RNF150: variants seen among roughly 807,000 people sequenced by gnomAD.
RNF150 encodes the protein ring finger protein 150.
Under a neutral mutation model 39.3 loss-of-function variants are expected in RNF150, and 24 were observed. The ratio of observed to expected loss-of-function variants is 0.61; its 90% CI spans 0.44 to 0.86. RNF150 has a LOEUF of 0.86. RNF150 is among the 40% of genes least tolerant of loss of function. The probability of loss-of-function intolerance (pLI) is 0.00; values close to 1 mark genes in which losing one functional copy is unlikely to be tolerated. For synonymous variants in RNF150, 255 were observed against 227.3 expected (o/e 1.12, Z -1.10); for missense variants, 502 against 587.8 (o/e 0.85, Z 1.51).
intron 1 of RNF150, among the ~76,000 whole-genome samples, chr4:141,206,749 A>G (rs1728381917): frequency 6.6e-6 from 1 of 152,044 alleles, no homozygotes; most frequent in Admixed American, 6.6e-5. Context: ...TTTATTTGGG[A>G]GAACTGGCTC....
chr4:141,009,305 A>T (rs1734978738), intron 1 of RNF150, among the ~76,000 whole-genome samples: 1 of 152,206 alleles, frequency 6.6e-6, no homozygotes. Context: ...TTCTATGCAT[A>T]AGATATTCTC....
chr4:141,078,819 A>G (rs2110972301), intron 1 of RNF150, among the ~76,000 whole-genome samples: 1 of 138,654 alleles, frequency 7.2e-6, no homozygotes, highest in East Asian at 2.0e-4. Context: ...ATATATATAT[A>G]TATATATATA....
intron 4 of RNF150, among the ~76,000 whole-genome samples, chr4:140,937,499 G>A (rs1731905045): frequency 6.6e-6 from 1 of 152,180 alleles, no homozygotes; most frequent in African/African-American, 2.4e-5. Context: ...GACCTTAAGT[G>A]ATCTGCCCAC....
intron 1 of RNF150, among the ~76,000 whole-genome samples, chr4:141,108,455 G>A (rs1192774033): frequency 6.6e-6 from 1 of 152,014 alleles, no homozygotes; most frequent in Non-Finnish European, 1.5e-5. Context: ...CTTCCCATGT[G>A]CCAAGTTCTA....
intron 1 of RNF150, among the ~76,000 whole-genome samples, chr4:141,002,224 C>T (rs1182221098): frequency 6.6e-6 from 1 of 151,688 alleles, no homozygotes; most frequent in Non-Finnish European, 1.5e-5. Context: ...ATTAGAAATG[C>T]TTTTTACCAG....
At position 141,077,634 on chromosome 4, in the gene RNF150, C is replaced by G. The variant is rs1487324373; in HGVS notation, c.484+54691G>C. On this transcript the variant is annotated intron_variant, in intron 1 of 6. Transcript: ENST00000515673. ...TGGAAGCAAGAACAGAGCCCACATTCCACCATTTCACTAAATTCTACCATT... is the reference window on the plus strand; with the variant it reads ...TGGAAGCAAGAACAGAGCCCACATTGCACCATTTCACTAAATTCTACCATT... Among the ~76,000 whole-genome samples, 3 of 152,368 alleles carry G rather than the reference C, an allele frequency of 2.0e-5. No homozygotes were observed. In the East Asian group the frequency reaches 5.8e-4, roughly 29 times the overall value.
At chr4:141,166,331 C>T (rs1445406829) in intron 1 of RNF150, among the ~76,000 whole-genome samples, 2 of 152,028 alleles carry the variant, frequency 1.3e-5, no homozygotes, top group African/African-American at 4.8e-5. Flanking sequence ...CAAAAAAATC[C>T]CAGGACCAGA....
intron 2 of RNF150, among the ~76,000 whole-genome samples, chr4:140,965,924 T>A (rs1165978231): frequency 2.6e-5 from 4 of 152,160 alleles, no homozygotes; most frequent in Non-Finnish European, 5.9e-5. Flanking sequence ...CAAAAAACTA[T>A]GTGAGACAAT....
At chr4:141,167,520 T>C (rs527482619) in intron 1 of RNF150, among the ~76,000 whole-genome samples, 32 of 152,276 alleles carry the variant, frequency 2.1e-4, no homozygotes, top group African/African-American at 7.7e-4. Context: ...GTGAGAAGCA[T>C]CATACTACCT....
chr4:141,033,680 A>G (rs1736037242), intron 1 of RNF150, among the ~76,000 whole-genome samples: 1 of 152,244 alleles, frequency 6.6e-6, no homozygotes, highest in Non-Finnish European at 1.5e-5. Flanking sequence ...CACTGGCTAC[A>G]GAATAGATGC....
intron 1 of RNF150, among the ~76,000 whole-genome samples, chr4:141,017,619 A>G (rs1735328627): frequency 6.6e-6 from 1 of 152,192 alleles, no homozygotes; most frequent in African/African-American, 2.4e-5. Context: ...GAAGAGTTTC[A>G]GCATCCTAAG....
intron 1 of RNF150, among the ~76,000 whole-genome samples, chr4:141,202,620 T>C (rs1199708977): frequency 6.6e-6 from 1 of 152,054 alleles, no homozygotes; most frequent in African/African-American, 2.4e-5. Flanking sequence ...TTTAAAAGCC[T>C]TTTGGACTTT....
chr4:141,001,283 A>G (rs1734659386), intron 1 of RNF150, among the ~76,000 whole-genome samples: 1 of 151,822 alleles, frequency 6.6e-6, no homozygotes, highest in African/African-American at 2.4e-5. Context: ...TTTTCTCTGG[A>G]TATTGTTTTA....
intron 2 of RNF150, among the ~76,000 whole-genome samples, chr4:140,966,209 G>GT (rs1319149186): frequency 6.6e-6 from 1 of 151,924 alleles, no homozygotes; most frequent in African/African-American, 2.4e-5. Flanking sequence ...GTGTGGTGGT[G>GT]TATGCCTGTA....
intron 1 of RNF150, among the ~76,000 whole-genome samples, chr4:141,106,675 T>C (rs1388820453): frequency 6.6e-6 from 1 of 152,060 alleles, no homozygotes; most frequent in East Asian, 1.9e-4. Flanking sequence ...GCGCCTGTAG[T>C]CCCAGCTGCT....
intron 6 of RNF150, among the ~76,000 whole-genome samples, chr4:140,890,540 T>G (rs1305610091): frequency 1.3e-5 from 2 of 152,146 alleles, no homozygotes; most frequent in Admixed American, 1.3e-4. Flanking sequence ...GGTTATGAGG[T>G]TGGGGTGCCC....
At position 141,132,699 on chromosome 4, in the gene RNF150, T is replaced by C; in HGVS notation, c.110A>G (p.Glu37Gly). Residue 37 changes from glutamate (E) to glycine (G), a missense_variant, in exon 1 of 7, where the codon GAG (glutamate) becomes GGG (glycine). Glu to Gly is a moderately conservative substitution (Grantham distance 98). Transcript: ENST00000515673. The surrounding 1 kb of genome is among the most constrained non-coding windows in gnomAD (Gnocchi z 4.9). Reference sequence around the variant, plus strand: ...GTTCACGAAGGCGGTGTACCATTCCTCCTTCTCGGCCACGGTAAAGTCCAG... The same window carrying C: ...GTTCACGAAGGCGGTGTACCATTCCCCCTTCTCGGCCACGGTAAAGTCCAG... ...LCLDFTVAEK[E>G]EWYTAFVNIT... The C allele has an allele frequency of 6.2e-7, 1 of 1,609,420 alleles. No individual in the cohort carries two copies. The highest frequency in any genetic ancestry group is 8.5e-7 in the Non-Finnish European group (1 of 1,178,258).
intron 1 of RNF150, among the ~76,000 whole-genome samples, chr4:141,160,763 C>T (rs145885857): frequency 1.3e-5 from 2 of 152,318 alleles, no homozygotes; most frequent in South Asian, 2.1e-4. Context: ...CTAAGTAAGA[C>T]ATATCTGTTG....
intron 1 of RNF150, among the ~76,000 whole-genome samples, chr4:140,983,666 T>C (rs571807164): frequency 1.2e-4 from 18 of 152,006 alleles, no homozygotes; most frequent in African/African-American, 3.9e-4. Flanking sequence ...TGGAAAGAGA[T>C]TGAAGCTAAA....
Sources: gnomAD v4.1 joint callset for allele counts (sites outside exome capture counted in the v4.1 genomes callset) on GRCh38, gnomAD v4.1.1 for gene constraint, Gnocchi (gnomAD v3.1) non-coding constraint, MANE v1.5 for transcripts, NCBI Gene and HGNC (gene_info 2026-07-23, HGNC 2026-07-21) for gene names.